The following FGGY variants were observed in gnomAD, a reference collection of about 807,000 sequenced individuals.
The protein encoded by FGGY is FGGY carbohydrate kinase domain containing.
Under a neutral mutation model 71.3 loss-of-function variants are expected in FGGY, and 72 were observed. The observed-to-expected ratio is 1.01, with a 90% CI of 0.84 to 1.23. FGGY has a LOEUF of 1.23. Ranked by LOEUF, FGGY falls within the 50% of genes most tolerant of loss-of-function variation. The pLI is 0.00. For synonymous variants in FGGY, 251 were observed against 250.3 expected (o/e 1.00, Z -0.02); for missense variants, 668 against 682.3 (o/e 0.98, Z 0.23).
intron 14 of FGGY, among the ~76,000 whole-genome samples, chr1:59,709,088 A>G (rs550760653): frequency 4.6e-4 from 70 of 152,288 alleles, no homozygotes; most frequent in African/African-American, 1.6e-3. Flanking sequence ...GCGCGCGCGC[A>G]TACACGTCCT....
At chr1:59,394,365 G>A (rs981080756) in intron 5 of FGGY, among the ~76,000 whole-genome samples, 1 of 152,200 alleles carries the variant, frequency 6.6e-6, no homozygotes, top group Non-Finnish European at 1.5e-5. Context: ...AAATCCGAGA[G>A]CATCCTTCAT....
At chr1:59,422,601 A>C (rs1383879348) in intron 5 of FGGY, among the ~76,000 whole-genome samples, 1 of 151,536 alleles carries the variant, frequency 6.6e-6, no homozygotes, top group African/African-American at 2.4e-5. Context: ...AGGCTGAGGT[A>C]GGAGGACTGC....
intron 5 of FGGY, among the ~76,000 whole-genome samples, chr1:59,418,395 C>G (rs1448108597): frequency 6.6e-6 from 1 of 151,356 alleles, no homozygotes; most frequent in Non-Finnish European, 1.5e-5. Context: ...AAAATAAACA[C>G]AAGTTACGTT....
intron 6 of FGGY, among the ~76,000 whole-genome samples, chr1:59,505,016 C>T (rs932189810): frequency 6.6e-5 from 10 of 151,922 alleles, no homozygotes; most frequent in African/African-American, 1.7e-4. Flanking sequence ...AAAGAGAGAT[C>T]GAGGTATAAA....
At chr1:59,373,715 A>G (rs2058132440) in intron 4 of FGGY, among the ~76,000 whole-genome samples, 1 of 152,166 alleles carries the variant, frequency 6.6e-6, no homozygotes, top group East Asian at 1.9e-4. Flanking sequence ...AGAGATATAG[A>G]TCAATGGAAC....
At chr1:59,529,783 TG>T (rs2095090868) in intron 7 of FGGY, among the ~76,000 whole-genome samples, 1 of 152,162 alleles carries the variant, frequency 6.6e-6, no homozygotes. Flanking sequence ...ACACAATAGT[TG>T]GGGGAAAAGG....
At chr1:59,740,930 A>G (rs957028772) in intron 14 of FGGY, among the ~76,000 whole-genome samples, 3 of 152,246 alleles carry the variant, frequency 2.0e-5, no homozygotes, top group African/African-American at 7.2e-5. Context: ...TTGCATGAAT[A>G]AAAGAATGTA....
intron 14 of FGGY, among the ~76,000 whole-genome samples, chr1:59,680,216 T>C (rs564893146): frequency 1.8e-4 from 28 of 152,218 alleles, no homozygotes; most frequent in African/African-American, 5.8e-4. Flanking sequence ...CCTTTTGCCC[T>C]TTGCTGCTTA....
chr1:59,317,814 G>A (rs1409156735), intron 1 of FGGY, among the ~76,000 whole-genome samples: 2 of 152,168 alleles, frequency 1.3e-5, no homozygotes, highest in Non-Finnish European at 2.9e-5. Context: ...AACATGAACT[G>A]GGTGATGTGT....
At chr1:59,747,397 G>T (rs921834667) in intron 14 of FGGY, among the ~76,000 whole-genome samples, 2 of 152,160 alleles carry the variant, frequency 1.3e-5, no homozygotes, top group African/African-American at 4.8e-5. Flanking sequence ...TGCCGTATTT[G>T]CCCATGACTG....
At chr1:59,510,763 T>A (rs2094499788) in intron 6 of FGGY, among the ~76,000 whole-genome samples, 1 of 152,244 alleles carries the variant, frequency 6.6e-6, no homozygotes, top group Non-Finnish European at 1.5e-5. Flanking sequence ...TTTTTCCAGA[T>A]GAAATCTTTG....
chr1:59,419,945 A>G (rs1279688592), intron 5 of FGGY, among the ~76,000 whole-genome samples: 3 of 152,136 alleles, frequency 2.0e-5, no homozygotes, highest in African/African-American at 7.2e-5. Context: ...TTGGCTTTCC[A>G]TTTGTAAGCC....
At chr1:59,380,738 A>G (rs2059320348) in intron 5 of FGGY, among the ~76,000 whole-genome samples, 1 of 151,500 alleles carries the variant, frequency 6.6e-6, no homozygotes, top group African/African-American at 2.5e-5. Context: ...CCCATTCTGT[A>G]AGTTGCCTGT....
At chr1:59,746,049 A>G (rs1257027240) in intron 14 of FGGY, among the ~76,000 whole-genome samples, 1 of 152,168 alleles carries the variant, frequency 6.6e-6, no homozygotes, top group Non-Finnish European at 1.5e-5. Flanking sequence ...GGAACATTGG[A>G]TGGGTCTTAT....
chr1:59,603,687 G>A (rs2096598397), intron 8 of FGGY, among the ~76,000 whole-genome samples: 1 of 152,184 alleles, frequency 6.6e-6, no homozygotes, highest in Non-Finnish European at 1.5e-5. Flanking sequence ...CCGACCCATA[G>A]TTTCTCTTCT....
chr1:59,395,857 A>C (rs904445620), intron 5 of FGGY, among the ~76,000 whole-genome samples: 1 of 152,236 alleles, frequency 6.6e-6, no homozygotes, highest in South Asian at 2.1e-4. Context: ...GCTGTTTGCC[A>C]TAATGGTTCC....
chr1:59,616,185 C>T (rs543052935), intron 9 of FGGY, among the ~76,000 whole-genome samples: 12 of 152,140 alleles, frequency 7.9e-5, no homozygotes, highest in African/African-American at 1.4e-4. Context: ...CACATGCACA[C>T]GTATGTTTAT....
intron 7 of FGGY, among the ~76,000 whole-genome samples, chr1:59,534,591 G>A (rs1220007228): frequency 6.6e-6 from 1 of 152,134 alleles, no homozygotes; most frequent in Non-Finnish European, 1.5e-5. Flanking sequence ...GAAAGGTAGG[G>A]TTATCCTCAA....
chr1:59,301,783 G>A (rs1370467770), intron 1 of FGGY, among the ~76,000 whole-genome samples: 5 of 145,592 alleles, frequency 3.4e-5, no homozygotes, highest in South Asian at 2.2e-4. Flanking sequence ...GCGTGATCTC[G>A]GCTCACTGCA....
Sources: gnomAD v4.1 joint callset for allele counts (sites outside exome capture counted in the v4.1 genomes callset) on GRCh38, gnomAD v4.1.1 for gene constraint, MANE v1.5 for transcripts, NCBI Gene and HGNC (gene_info 2026-07-23, HGNC 2026-07-21) for gene names.